Variants in TMEM204 observed in about 807,000 individuals in gnomAD.
TMEM204 encodes the protein transmembrane protein 204, also known as claudin-like protein 24.
A neutral mutation model predicts 19.4 loss-of-function variants in TMEM204; 15 were observed. That is an observed-to-expected ratio of 0.77 (90% CI 0.52 to 1.19). The LOEUF (loss-of-function observed/expected upper bound fraction) is 1.19. Ranked by LOEUF, TMEM204 falls within the 50% of genes most tolerant of loss-of-function variation. TMEM204 has a pLI of 0.00. For missense variants in TMEM204, 287 were observed against 321.2 expected (o/e 0.89, Z 0.81); for synonymous variants, 161 against 146.0 (o/e 1.10, Z -0.74).
In TMEM204 at chr16:1,534,663, T is replaced by A. The variant is rs906659812; in HGVS notation, c.280+108T>A. 11 of 1,514,580 alleles carry A rather than the reference T, an allele frequency of 7.3e-6. No homozygotes were observed. In the African/African-American group the frequency reaches 1.5e-4, roughly 21 times the overall value. 93.8% of individuals were successfully genotyped at this position (1,514,580 alleles called of 1,614,324 possible). A position where few individuals can be genotyped will look rare whatever the true frequency, so the allele number is the denominator to read the frequency against. ...GCGGGTGGGGAGGCCTGGCCCCTGC[T>A]CTGCCCTGAGCGTGGCCTCTGGGCA... On this transcript the variant is annotated intron_variant, in intron 1 of 2. Coordinates refer to ENST00000566264, the MANE Select transcript of TMEM204 (RefSeq NM_024600.6).
rs917672048 is a variant in TMEM204, at chr16:1,541,788, T to A, written c.281-133T>A. 6 of 1,107,630 alleles carry A rather than the reference T, an allele frequency of 5.4e-6. No individual in the cohort carries two copies. In the African/African-American group the frequency reaches 8.1e-5, roughly 15 times the overall value. 68.6% of individuals were successfully genotyped at this position (1,107,630 alleles called of 1,614,324 possible). ...AGGGCGTGATGCTTCCCGAAGCCACTGCCCAATGGAGGCACAGCCTGTGCC... is the reference window on the plus strand; with the variant it reads ...AGGGCGTGATGCTTCCCGAAGCCACAGCCCAATGGAGGCACAGCCTGTGCC... On this transcript the variant is annotated intron_variant, in intron 1 of 2. Coordinates refer to ENST00000566264, the MANE Select transcript of TMEM204 (RefSeq NM_024600.6).
rs550489351 is a variant in TMEM204, at chr16:1,551,631, C to G, written c.437-3151C>G. Among the ~76,000 whole-genome samples, 1 of 152,238 alleles carries G rather than the reference C, an allele frequency of 6.6e-6. No individual in the cohort carries two copies. Among genetic ancestry groups the G allele is most frequent in the East Asian group, 1.9e-4 (1 of 5,204 alleles). Reference sequence around the variant, plus strand: ...CGGCACTGCTGCAGACACCTTGAAACGTCCAGCACATTCCTCACTGTCGAA... The same window carrying G: ...CGGCACTGCTGCAGACACCTTGAAAGGTCCAGCACATTCCTCACTGTCGAA... On this transcript the variant is annotated intron_variant, in intron 2 of 2. Coordinates refer to ENST00000566264, the MANE Select transcript of TMEM204 (RefSeq NM_024600.6). The surrounding 1 kb of genome is among the most constrained non-coding windows in gnomAD (Gnocchi z 4.0).
chr16:1,548,960 AC>A (rs1320401791), intron 2 of TMEM204, among the ~76,000 whole-genome samples: 1 of 152,202 alleles, frequency 6.6e-6, no homozygotes, highest in Non-Finnish European at 1.5e-5. Context: ...CACGACGTGA[AC>A]CTTTCTTCGT....
chr16:1,530,293 C>T (rs375232111), upstream of TMEM204, among the ~76,000 whole-genome samples: 1 of 151,832 alleles, frequency 6.6e-6, no homozygotes, highest in South Asian at 2.1e-4. Flanking sequence ...CCACCACACC[C>T]AGCTAATTTT....
In TMEM204 at chr16:1,534,556, G is replaced by GT. The variant is rs1269737372; in HGVS notation, c.280+2dup. 3 of 1,602,118 alleles carry GT rather than the reference G, an allele frequency of 1.9e-6. No homozygotes were observed. Among genetic ancestry groups the GT allele is most frequent in the Non-Finnish European group, 2.5e-6 (3 of 1,179,878 alleles). On this transcript the variant is annotated splice_donor_variant, in intron 1 of 2. Coordinates refer to ENST00000566264, the MANE Select transcript of TMEM204 (RefSeq NM_024600.6). LOFTEE classifies it high-confidence loss of function. ...CAGGAGTCCCGAGGCACCGTCAAAC[G>GT]TAAGTCCAATTGTTTTCCTGATGCC...
intron 2 of TMEM204, chr16:1,554,268 C>T (rs1381354054): frequency 8.7e-6 from 4 of 458,720 alleles, no homozygotes; most frequent in East Asian, 1.4e-4. Flanking sequence ...TAGCTCTGGG[C>T]GCGATGAGCA....
At chr16:1,545,812 C>T (rs545102132) in intron 2 of TMEM204, among the ~76,000 whole-genome samples, 1 of 152,342 alleles carries the variant, frequency 6.6e-6, no homozygotes, top group African/African-American at 2.4e-5. Context: ...CTTTTGCTCT[C>T]GCTCCATGAA....
chr16:1,537,281 G>A (rs921066258), intron 1 of TMEM204, among the ~76,000 whole-genome samples: 6 of 152,212 alleles, frequency 3.9e-5, no homozygotes, highest in African/African-American at 9.6e-5. Flanking sequence ...GGCCACCCTC[G>A]GGGTTTCCGG....
chr16:1,529,972 G>GATGCC (rs200831862), upstream of TMEM204, among the ~76,000 whole-genome samples: 410 of 152,072 alleles, frequency 2.7e-3, 1 homozygote, highest in Middle Eastern at 0.014. Context: ...GGATGGAAGG[G>GATGCC]ATGCCACGGC....
chr16:1,554,186 C>G, intron 2 of TMEM204: 3 of 1,232,262 alleles, frequency 2.4e-6, no homozygotes, highest in Non-Finnish European at 3.2e-6. Context: ...CTCCGCCCTG[C>G]CTGAGCTGCA....
rs959883549 is a variant in TMEM204 at position 1,553,953 on chromosome 16, C to T, written c.437-829C>T. The T allele has an allele frequency of 4.7e-5, 60 of 1,287,008 alleles. No individual in the cohort carries two copies. The African/African-American group carries it at 8.8e-4, about 19-fold the overall frequency. 79.7% of individuals were successfully genotyped at this position (1,287,008 alleles called of 1,614,324 possible). A position where few individuals can be genotyped will look rare whatever the true frequency, so the allele number is the denominator to read the frequency against. ...CTCAAAGATAAAACTGTAAGTGAAA[C>T]TGTAGCATCAGCGACTAACTAGACG... On this transcript the variant is annotated intron_variant, in intron 2 of 2. Transcript: ENST00000566264. The surrounding 1 kb of genome is among the most constrained non-coding windows in gnomAD (Gnocchi z 4.4).
Position 1,534,181 on chromosome 16 carries a change from T to C in TMEM204, c.-95T>C, listed in dbSNP as rs1248514164. On this transcript the variant is annotated 5_prime_UTR_variant, in exon 1 of 3. Coordinates refer to ENST00000566264, the MANE Select transcript of TMEM204 (RefSeq NM_024600.6). ...GCCCCGAGGATGAGTGGTGATGTCC[T>C]CTAGCCACCCCTAGCAGCGTCGGCT... is the stretch of plus-strand genomic sequence containing the variant. The C allele has an allele frequency of 2.0e-6, 3 of 1,526,270 alleles. No individual in the cohort carries two copies. Among genetic ancestry groups the C allele is most frequent in the African/African-American group, 1.4e-5 (1 of 71,878 alleles). 94.5% of individuals were successfully genotyped at this position (1,526,270 alleles called of 1,614,324 possible).
chr16:1,553,512 G>A lies in TMEM204; in HGVS notation c.437-1270G>A. 2.0e-6 allele frequency: 2 copies of A among 992,768 alleles called. No homozygotes were observed. Among genetic ancestry groups the A allele is most frequent in the Non-Finnish European group, 2.4e-6 (2 of 833,884 alleles). The allele number at this position is 992,768 out of a possible 1,614,324, so 61.5% of individuals were successfully genotyped here. ...GTGGGGCTCGGCGTGGCCGGAGCCTGGGGAGGGACATGGACAAGTCCTCTA... is the reference window on the plus strand; with the variant it reads ...GTGGGGCTCGGCGTGGCCGGAGCCTAGGGAGGGACATGGACAAGTCCTCTA... On this transcript the variant is annotated intron_variant, in intron 2 of 2. Transcript: ENST00000566264. This position sits in a 1 kb window ranked among gnomAD's most constrained non-coding sequence, Gnocchi z 4.4.
intron 2 of TMEM204, 67 bp downstream of exon 2, chr16:1,542,143 G>T (rs773528024): frequency 1.4e-5 from 20 of 1,455,066 alleles, no homozygotes; most frequent in Admixed American, 2.5e-5. Context: ...CCACAGGAGG[G>T]TCCTGAGGCC....
In TMEM204 at chr16:1,553,705, G is replaced by T; in HGVS notation, c.437-1077G>T. ...CTGAAGGCTGGCTGGAGGCCCCATG[G>T]CCTCCAGGACAATCTGTGGCCACAT... On this transcript the variant is annotated intron_variant, in intron 2 of 2. Coordinates refer to ENST00000566264, the MANE Select transcript of TMEM204 (RefSeq NM_024600.6). The surrounding 1 kb of genome is among the most constrained non-coding windows in gnomAD (Gnocchi z 4.4). The T allele has an allele frequency of 9.3e-7, 1 of 1,080,980 alleles. No individual in the cohort carries two copies. The highest frequency in any genetic ancestry group is 1.1e-6 in the Non-Finnish European group (1 of 882,926). The allele number at this position is 1,080,980 out of a possible 1,614,324, so 67.0% of individuals were successfully genotyped here.
In TMEM204 at chr16:1,555,073, C is replaced by T; in HGVS notation, c.*47C>T. On this transcript the variant is annotated 3_prime_UTR_variant, in exon 3 of 3. Transcript: ENST00000566264. ...TCAACGCACACCTGCTATCGTGGAA[C>T]AGCCTAGAAACCAAGGGACTCCACC... The T allele has an allele frequency of 6.4e-7, 1 of 1,567,902 alleles. No individual in the cohort carries two copies. The highest frequency in any genetic ancestry group is 8.6e-7 in the Non-Finnish European group (1 of 1,159,922).
intron 2 of TMEM204, among the ~76,000 whole-genome samples, chr16:1,550,564 C>T (rs1022093583): frequency 2.0e-4 from 31 of 152,252 alleles, no homozygotes; most frequent in Non-Finnish European, 4.1e-4. Flanking sequence ...AGGGACCCAG[C>T]GTCTCAGGGC....
intron 1 of TMEM204, among the ~76,000 whole-genome samples, chr16:1,539,746 G>C (rs1449452307): frequency 6.6e-6 from 1 of 152,200 alleles, no homozygotes. Flanking sequence ...GCTTCCCATG[G>C]CCCTGTCAGT....
At chr16:1,549,504 C>T (rs1470413404) in intron 2 of TMEM204, among the ~76,000 whole-genome samples, 1 of 152,230 alleles carries the variant, frequency 6.6e-6, no homozygotes, top group Non-Finnish European at 1.5e-5. Flanking sequence ...TCTCGGCTCA[C>T]CGCCGCAAGC....
Sources: gnomAD v4.1 joint callset for allele counts (sites outside exome capture counted in the v4.1 genomes callset) on GRCh38, gnomAD v4.1.1 for gene constraint, Gnocchi (gnomAD v3.1) non-coding constraint, MANE v1.5 for transcripts, NCBI Gene and HGNC (gene_info 2026-07-23, HGNC 2026-07-21) for gene names.